OSBPL10: variants seen among roughly 807,000 people sequenced by gnomAD.
OSBPL10 encodes oxysterol-binding protein-related protein 10.
Under a neutral mutation model 81.7 loss-of-function variants are expected in OSBPL10, and 49 were observed. The ratio of observed to expected loss-of-function variants is 0.60; its 90% confidence interval spans 0.48 to 0.76. The LOEUF is 0.76. Ranked by LOEUF, OSBPL10 falls within the 30% of genes least tolerant of loss-of-function variation. The probability of loss-of-function intolerance (pLI) is 0.00; values close to 1 mark genes in which losing one functional copy is unlikely to be tolerated. For synonymous variants in OSBPL10, 419 were observed against 383.6 expected (o/e 1.09, Z -1.08); for missense variants, 923 against 987.8 (o/e 0.93, Z 0.88).
At position 32,069,860 on chromosome 3, in the gene OSBPL10, G is replaced by A. The variant is rs141665260; in HGVS notation, n.185+7536C>T. On this transcript the variant is annotated intron_variant and non_coding_transcript_variant, in intron 1 of 3. Transcript: ENST00000479173. ...CCAGGGGCTCCTTCAAAACATCCTC[G>A]TGGACCTTGCTTCAAATGCCAAAAG... 1.6e-3 allele frequency among the ~76,000 whole-genome samples: 245 copies of A among 152,244 alleles called. 3 individuals are homozygous for A. The highest frequency in any genetic ancestry group is 3.9e-3 in the South Asian group (19 of 4,818).
intron 5 of OSBPL10, among the ~76,000 whole-genome samples, chr3:31,740,460 T>C (rs1447432130): frequency 2.6e-5 from 4 of 152,114 alleles, no homozygotes; most frequent in Non-Finnish European, 4.4e-5. Flanking sequence ...ATTAAAATAT[T>C]AATAACAATA....
chr3:31,872,988 C>T (rs1701369119), intron 3 of OSBPL10, among the ~76,000 whole-genome samples: 1 of 152,110 alleles, frequency 6.6e-6, no homozygotes, highest in Admixed American at 6.5e-5. Flanking sequence ...ACCTATAGAA[C>T]ATTCTAGAAA....
At position 31,980,874 on chromosome 3, in the gene OSBPL10, G is replaced by GTGGCGCGGGCGGC. The variant is rs757213048; in HGVS notation, c.281+12_281+24dup. On this transcript the variant is annotated intron_variant, in intron 1 of 11. Coordinates refer to ENST00000396556, the MANE Select transcript of OSBPL10 (RefSeq NM_017784.5). Reference sequence around the variant, plus strand: ...ACACACACACACACAGCGGCGCGCGGTGGCGCGGGCGGCTGGCGCGTTACC... The same window carrying GTGGCGCGGGCGGC: ...ACACACACACACACAGCGGCGCGCGGTGGCGCGGGCGGCTGGCGCGGGCGGCTGGCGCGTTACC... 6.5e-6 allele frequency: 10 copies of GTGGCGCGGGCGGC among 1,545,436 alleles called. No individual in the cohort carries two copies. In the South Asian group the frequency reaches 1.2e-4, roughly 18 times the overall value.
At chr3:31,894,189 TCTGGAGC>T (rs1695988887) in intron 1 of OSBPL10, among the ~76,000 whole-genome samples, 1 of 152,110 alleles carries the variant, frequency 6.6e-6, no homozygotes, top group African/African-American at 2.4e-5. Context: ...GATGGATGAA[TCTGGAGC>T]CCAGGAGCGG....
chr3:31,738,474 C>T (rs1231952867), intron 5 of OSBPL10, among the ~76,000 whole-genome samples: 1 of 151,898 alleles, frequency 6.6e-6, no homozygotes, highest in East Asian at 1.9e-4. Context: ...TAAATAGAAA[C>T]CGACAAATTT....
intron 3 of OSBPL10, among the ~76,000 whole-genome samples, chr3:31,863,317 A>AT (rs1220688102): frequency 2.6e-5 from 4 of 152,270 alleles, no homozygotes; most frequent in East Asian, 1.9e-4. Flanking sequence ...GAAACAGGGG[A>AT]TTTTTTTAGG....
At chr3:31,933,997 G>A (rs145119320) in intron 1 of OSBPL10, among the ~76,000 whole-genome samples, 1 of 150,966 alleles carries the variant, frequency 6.6e-6, no homozygotes, top group Non-Finnish European at 1.5e-5. Context: ...ATGTACATCT[G>A]AGTCAATTCC....
At chr3:31,691,966 C>T (rs1695569613) in intron 7 of OSBPL10, among the ~76,000 whole-genome samples, 1 of 152,146 alleles carries the variant, frequency 6.6e-6, no homozygotes, top group South Asian at 2.1e-4. Flanking sequence ...CAACCTTTTC[C>T]CTAGGTTTCC....
chr3:31,793,821 C>CCA (rs1172416571), intron 4 of OSBPL10, among the ~76,000 whole-genome samples: 3 of 152,186 alleles, frequency 2.0e-5, no homozygotes, highest in African/African-American at 7.2e-5. Flanking sequence ...TCTGTGAACT[C>CCA]CACATCTATA....
chr3:31,950,004 G>T (rs11918159), intron 1 of OSBPL10, among the ~76,000 whole-genome samples: 96,476 of 151,884 alleles, frequency 0.64, 32,887 homozygotes, highest in African/African-American at 0.89. Context: ...AGTAGGTCTC[G>T]GTGGAAATCC....
In OSBPL10 at chr3:32,030,919, A is replaced by G. The variant is rs180966145; in HGVS notation, n.298+15572T>C. ...GGTGGCTCACACCTGTAATCCCAGC[A>G]CTTTGGGAGGCCGAGGCGGGTGGAT... is the stretch of plus-strand genomic sequence containing the variant. On this transcript the variant is annotated intron_variant and non_coding_transcript_variant, in intron 2 of 3. Transcript: ENST00000479173. 2.3e-3 allele frequency among the ~76,000 whole-genome samples: 351 copies of G among 152,234 alleles called. 4 individuals are homozygous for G. Among genetic ancestry groups the G allele is most frequent in the African/African-American group, 7.8e-3 (322 of 41,538 alleles).
chr3:31,796,084 T>C (rs1213090874), intron 4 of OSBPL10: 1 of 173,084 alleles, frequency 5.8e-6, no homozygotes, highest in Non-Finnish European at 1.3e-5. Context: ...CATGAGTTCA[T>C]CCTGGAGATC....
At chr3:31,712,773 T>A (rs1382692025) in intron 6 of OSBPL10, among the ~76,000 whole-genome samples, 1 of 152,234 alleles carries the variant, frequency 6.6e-6, no homozygotes, top group African/African-American at 2.4e-5. Context: ...TGAAAACACA[T>A]CACCTAATGG....
chr3:32,041,567 T>C (rs1318048448), intron 2 of OSBPL10, among the ~76,000 whole-genome samples: 1 of 152,230 alleles, frequency 6.6e-6, no homozygotes, highest in East Asian at 1.9e-4. Flanking sequence ...TCACTTCTTA[T>C]TGAATCTGAG....
chr3:31,688,481 C>T (rs1575477101), intron 7 of OSBPL10, among the ~76,000 whole-genome samples: 1 of 152,098 alleles, frequency 6.6e-6, no homozygotes, highest in Non-Finnish European at 1.5e-5. Flanking sequence ...CATATCTCCA[C>T]CTGCAAGGCT....
chr3:31,876,311 T>C, intron 3 of OSBPL10, 122 bp downstream of exon 3: 1 of 760,502 alleles, frequency 1.3e-6, no homozygotes, highest in South Asian at 1.7e-5. Flanking sequence ...CAAGTAGGAA[T>C]TCCACTGCAG....
intron 3 of OSBPL10, 90 bp downstream of exon 3, chr3:31,876,343 T>C (rs1701469317): frequency 1.7e-6 from 2 of 1,159,658 alleles, no homozygotes; most frequent in African/African-American, 1.5e-5. Flanking sequence ...AAAAATAACA[T>C]GAAAAACACC....
At chr3:31,944,832 TTAAAAAAAAAAAAAA>T (rs1435237945) in intron 1 of OSBPL10, among the ~76,000 whole-genome samples, 3 of 59,098 alleles carry the variant, frequency 5.1e-5, no homozygotes, top group South Asian at 8.2e-4. Context: ...CCCCCTCTCT[TTAAAAAAAAAAAAAA>T]AAAAAAAAAA....
chr3:32,001,738 TAA>T (rs35743873), intron 2 of OSBPL10, among the ~76,000 whole-genome samples: 1 of 144,204 alleles, frequency 6.9e-6, no homozygotes, highest in African/African-American at 2.5e-5. Context: ...ATATCAAGTG[TAA>T]AAAAAAAAAG....
Sources: allele counts gnomAD v4.1 joint callset (sites outside exome capture counted in the v4.1 genomes callset), GRCh38; gene constraint gnomAD v4.1.1; transcripts MANE v1.5; gene names NCBI Gene and HGNC (gene_info 2026-07-23, HGNC 2026-07-21).